Variants in FHIT observed in about 807,000 individuals in gnomAD.
FHIT encodes the protein fragile histidine triad diadenosine triphosphatase.
A neutral mutation model predicts 17.9 loss-of-function variants in FHIT; 19 were observed. The ratio of observed to expected loss-of-function variants is 1.06; its 90% confidence interval spans 0.74 to 1.56. The LOEUF (loss-of-function observed/expected upper bound fraction) is 1.56. Ranked by LOEUF, FHIT falls within the 40% of genes most tolerant of loss-of-function variation. The pLI, the probability that FHIT is intolerant of heterozygous loss-of-function variation, is 0.00. For synonymous variants in FHIT, 81 were observed against 69.7 expected (o/e 1.16, Z -0.81); for missense variants, 248 against 189.2 (o/e 1.31, Z -1.82).
At chr3:59,862,170 G>C (rs1045333661) in intron 8 of FHIT, among the ~76,000 whole-genome samples, 1 of 152,210 alleles carries the variant, frequency 6.6e-6, no homozygotes, top group Non-Finnish European at 1.5e-5. Flanking sequence ...GCCCCACATG[G>C]TGGGGGAGAC....
chr3:59,987,635 C>T (rs1437804455), intron 7 of FHIT, among the ~76,000 whole-genome samples: 1 of 151,980 alleles, frequency 6.6e-6, no homozygotes, highest in Non-Finnish European at 1.5e-5. Context: ...CTGACTCTTT[C>T]CTCTCTGCCT....
At chr3:60,996,168 C>G (rs945258220) in intron 3 of FHIT, among the ~76,000 whole-genome samples, 2 of 152,100 alleles carry the variant, frequency 1.3e-5, no homozygotes, top group Non-Finnish European at 2.9e-5. Flanking sequence ...ATTGCTAATT[C>G]GAAGTTGGCA....
At chr3:60,516,533 C>A (rs996427841) in intron 5 of FHIT, among the ~76,000 whole-genome samples, 11 of 152,114 alleles carry the variant, frequency 7.2e-5, no homozygotes, top group Non-Finnish European at 1.6e-4. Flanking sequence ...AGAGTTAGAC[C>A]ACCTGGATTT....
intron 4 of FHIT, among the ~76,000 whole-genome samples, chr3:60,598,066 A>C (rs2038327666): frequency 6.6e-6 from 1 of 152,144 alleles, no homozygotes; most frequent in Admixed American, 6.6e-5. Flanking sequence ...TGAAAGTATA[A>C]AAAGGTCTGG....
At chr3:61,095,948 C>G (rs776169354) in intron 2 of FHIT, among the ~76,000 whole-genome samples, 9 of 152,176 alleles carry the variant, frequency 5.9e-5, no homozygotes, top group South Asian at 4.1e-4. Context: ...CTAGAGGCCA[C>G]AGGCAGATGA....
chr3:60,425,485 T>C (rs1428064136), intron 5 of FHIT, among the ~76,000 whole-genome samples: 1 of 152,032 alleles, frequency 6.6e-6, no homozygotes, highest in Non-Finnish European at 1.5e-5. Context: ...ACCCTTATGA[T>C]ACACAATTTA....
intron 1 of FHIT, among the ~76,000 whole-genome samples, chr3:61,215,840 G>T (rs1471504896): frequency 6.6e-6 from 1 of 152,056 alleles, no homozygotes; most frequent in African/African-American, 2.4e-5. Context: ...AAATAATGCC[G>T]CATATCTGCA....
chr3:60,349,629 A>G (rs1260822161), intron 5 of FHIT, among the ~76,000 whole-genome samples: 1 of 152,198 alleles, frequency 6.6e-6, no homozygotes, highest in South Asian at 2.1e-4. Flanking sequence ...GCCTCCAAAG[A>G]TAAACTGTTT....
intron 8 of FHIT, among the ~76,000 whole-genome samples, chr3:59,879,430 T>A (rs1703304937): frequency 6.6e-6 from 1 of 152,086 alleles, no homozygotes; most frequent in South Asian, 2.1e-4. Context: ...CTATATAGGA[T>A]CTCTGGGGTA....
chr3:60,635,744 C>G (rs1196004644), intron 4 of FHIT, among the ~76,000 whole-genome samples: 4 of 152,126 alleles, frequency 2.6e-5, no homozygotes, highest in African/African-American at 9.7e-5. Flanking sequence ...TGAGCCCATA[C>G]TCATGACCTT....
At chr3:60,571,335 CAAAAAAAAAAAAA>C (rs56094072) in intron 4 of FHIT, among the ~76,000 whole-genome samples, 3 of 54,676 alleles carry the variant, frequency 5.5e-5, no homozygotes, top group African/African-American at 1.5e-4. Flanking sequence ...GACTCCATCG[CAAAAAAAAAAAAA>C]AAAAAAAAAA....
chr3:60,676,300 G>A (rs1553695369), intron 4 of FHIT, among the ~76,000 whole-genome samples: 1 of 152,106 alleles, frequency 6.6e-6, no homozygotes. Context: ...GTGTGTATTT[G>A]ACAATCCTTT....
intron 4 of FHIT, 62 bp from the exon 5 acceptor site, chr3:60,537,041 C>G: frequency 7.1e-7 from 1 of 1,409,550 alleles, no homozygotes; most frequent in South Asian, 1.5e-5. Flanking sequence ...CATATACCAC[C>G]TTAAAGAAAG....
chr3:60,050,166 G>A (rs1701814302), intron 5 of FHIT, among the ~76,000 whole-genome samples: 1 of 152,062 alleles, frequency 6.6e-6, no homozygotes, highest in South Asian at 2.1e-4. Context: ...TATATTCCCA[G>A]TATAAATCTC....
At chr3:60,962,354 T>G (rs1709498248) in intron 3 of FHIT, among the ~76,000 whole-genome samples, 1 of 152,246 alleles carries the variant, frequency 6.6e-6, no homozygotes. Context: ...GATTTCTAAA[T>G]GTACAGTCAT....
At chr3:59,951,357 C>T (rs1327265203) in intron 7 of FHIT, among the ~76,000 whole-genome samples, 1 of 152,182 alleles carries the variant, frequency 6.6e-6, no homozygotes, top group Non-Finnish European at 1.5e-5. Context: ...CTAAATTACA[C>T]CAACACTCAG....
At chr3:60,350,361 T>A (rs1372713381) in intron 5 of FHIT, among the ~76,000 whole-genome samples, 1 of 152,130 alleles carries the variant, frequency 6.6e-6, no homozygotes, top group Non-Finnish European at 1.5e-5. Flanking sequence ...GCTACTAATC[T>A]CTAACCAATA....
chr3:60,931,836 C>A (rs532443578), intron 3 of FHIT, among the ~76,000 whole-genome samples: 11 of 152,212 alleles, frequency 7.2e-5, no homozygotes, highest in African/African-American at 2.6e-4. Flanking sequence ...CCAGTGGATG[C>A]TAGAAATAAT....
At chr3:60,829,754 G>GA (rs1575575989) in intron 3 of FHIT, among the ~76,000 whole-genome samples, 1 of 146,486 alleles carries the variant, frequency 6.8e-6, no homozygotes, top group South Asian at 2.2e-4. Flanking sequence ...AAGGAGGGAA[G>GA]AACTGAAACT....
Sources: allele counts gnomAD v4.1 joint callset (sites outside exome capture counted in the v4.1 genomes callset), GRCh38; gene constraint gnomAD v4.1.1; transcripts MANE v1.5; gene names NCBI Gene and HGNC (gene_info 2026-07-23, HGNC 2026-07-21).